ABCG8: variants seen among roughly 807,000 people sequenced by gnomAD.
The protein encoded by ABCG8 is ATP-binding cassette sub-family G member 8.
Under a neutral mutation model 71.3 loss-of-function variants are expected in ABCG8, and 81 were observed. The observed-to-expected ratio is 1.14, with a 90% CI of 0.95 to 1.37. ABCG8 has a LOEUF of 1.37. Ranked by LOEUF, ABCG8 falls within the 40% of genes most tolerant of loss-of-function variation. The pLI is 0.00. For missense variants in ABCG8, 1,119 were observed against 866.2 expected, an observed-to-expected ratio of 1.29 and a Z score of -3.66; for synonymous variants, 451 against 354.7, an observed-to-expected ratio of 1.27 and a Z score of -3.05.
At chr2:43,871,834 C>A in intron 6 of ABCG8, 142 bp from the exon 7 acceptor site, 1 of 1,254,384 alleles carries the variant, frequency 8.0e-7, no homozygotes, top group Non-Finnish European at 1.1e-6. Context: ...CTGCCCCTTG[C>A]TTCATGGCTG....
chr2:43,876,244 C>T (rs1669955019), intron 11 of ABCG8, among the ~76,000 whole-genome samples: 3 of 152,208 alleles, frequency 2.0e-5, no homozygotes, highest in Admixed American at 1.3e-4. Flanking sequence ...TCCCTCGGCC[C>T]CAGTCCATGT....
At chr2:43,871,140 C>T (rs145185864) in intron 6 of ABCG8, among the ~76,000 whole-genome samples, 7,597 of 151,450 alleles carry the variant, frequency 0.05, 112 homozygotes, top group Middle Eastern at 0.097. Context: ...AGAATTCTCA[C>T]CCTCTGGATA....
chr2:43,881,698 ACT>A lies in ABCG8; in HGVS notation c.*3788_*3789del, dbSNP rs781217189. Reference sequence around the variant, plus strand: ...CACTCCAGCCTGGTGACAGAGCGATACTCTGTCTCAAAAAAAAAAAAAAAAAA... The same window carrying A: ...CACTCCAGCCTGGTGACAGAGCGATACTGTCTCAAAAAAAAAAAAAAAAAA... On this transcript the variant is annotated 3_prime_UTR_variant, in exon 13 of 13. Coordinates refer to ENST00000272286, the MANE Select transcript of ABCG8 (RefSeq NM_022437.3). The A allele has an allele frequency of 8.1e-6, 1 of 124,202 alleles. No individual in the cohort carries two copies. Among genetic ancestry groups the A allele is most frequent in the Admixed American group, 9.2e-5 (1 of 10,834 alleles). 7.7% of individuals were successfully genotyped at this position (124,202 alleles called of 1,614,324 possible). A position where few individuals can be genotyped will look rare whatever the true frequency, so the allele number is the denominator to read the frequency against.
At chr2:43,860,987 T>C (rs1572847295) in intron 6 of ABCG8, among the ~76,000 whole-genome samples, 1 of 151,532 alleles carries the variant, frequency 6.6e-6, no homozygotes, top group Middle Eastern at 3.4e-3. Flanking sequence ...GAACTCTCAC[T>C]ATCCGGATAG....
At chr2:43,864,056 C>T (rs1479615739) in intron 6 of ABCG8, among the ~76,000 whole-genome samples, 1 of 151,446 alleles carries the variant, frequency 6.6e-6, no homozygotes, top group Non-Finnish European at 1.5e-5. Flanking sequence ...ATAGAATTCT[C>T]ACTATCTGTC....
chr2:43,866,852 A>G (rs1309702651), intron 6 of ABCG8, among the ~76,000 whole-genome samples: 6 of 151,298 alleles, frequency 4.0e-5, no homozygotes, highest in African/African-American at 1.5e-4. Flanking sequence ...CTGGGTATAT[A>G]CCCAAAGGAC....
Position 43,852,866 on chromosome 2 carries a change from A to G in ABCG8, c.962A>G (p.Tyr321Cys). The part of the protein sequence containing the change: ...CPRYSNPADF[Y>C]VDLTSIDRRS... ...CGCTACAGCAATCCTGCTGACTTCT[A>G]TGGTGAGTCCCCAAGGCCAGCAGCC... The change falls in exon 6 of 13, where the codon TAT becomes TGT. Residue 321 changes from tyrosine to cysteine, a missense_variant and splice_region_variant. Tyr to Cys is a radical substitution (Grantham distance 194, BLOSUM62 -2). Transcript: ENST00000272286. 6.2e-7 allele frequency: 1 copy of G among 1,613,944 alleles called. No individual in the cohort carries two copies. The highest frequency in any genetic ancestry group is 8.5e-7 in the Non-Finnish European group (1 of 1,180,000).
intron 6 of ABCG8, 62 bp from the exon 7 acceptor site, chr2:43,871,914 C>T: frequency 1.2e-6 from 2 of 1,608,594 alleles, no homozygotes; most frequent in Non-Finnish European, 8.5e-7. Flanking sequence ...GCACCAAGCT[C>T]TTCACCTGTG....
intron 6 of ABCG8, among the ~76,000 whole-genome samples, chr2:43,865,733 A>T (rs1465214865): frequency 1.3e-5 from 2 of 152,050 alleles, no homozygotes; most frequent in African/African-American, 2.4e-5. Context: ...GTCTATCTGG[A>T]TAGAATTCTT....
chr2:43,872,061 A>G lies in ABCG8; in HGVS notation c.1050A>G (p.Leu350=). The G allele has an allele frequency of 6.2e-7, 1 of 1,614,122 alleles. No homozygotes were observed. Among genetic ancestry groups the G allele is most frequent in the Non-Finnish European group, 8.5e-7 (1 of 1,180,038 alleles). ...EKAQSLAALF[L]EKVRDLDDFL... The stretch of plus-strand genomic sequence containing the variant: ...CTCAGTCACTCGCAGCCCTGTTTCT[A>G]GAAAAAGTGCGTGACTTAGATGACT... Residue 350 remains leucine (L), a synonymous_variant, in exon 7 of 13, where the codon CTA becomes CTG. Transcript: ENST00000272286.
chr2:43,868,244 T>C (rs1669605210), intron 6 of ABCG8, among the ~76,000 whole-genome samples: 1 of 152,170 alleles, frequency 6.6e-6, no homozygotes, highest in Admixed American at 6.5e-5. Context: ...ACTAGCTATC[T>C]GGATAGAATT....
chr2:43,856,482 CCA>C (rs1669111921), intron 6 of ABCG8, among the ~76,000 whole-genome samples: 1 of 151,978 alleles, frequency 6.6e-6, no homozygotes, highest in Admixed American at 6.6e-5. Context: ...AGAACTCTCA[CCA>C]TGTGTATAAA....
chr2:43,851,895 T>C, intron 4 of ABCG8, 73 bp downstream of exon 4: 1 of 1,528,664 alleles, frequency 6.5e-7, no homozygotes. Flanking sequence ...CCTCCCCTGC[T>C]GCCTTGCCTC....
intron 1 of ABCG8, among the ~76,000 whole-genome samples, chr2:43,841,260 C>G (rs533171306): frequency 7.0e-4 from 107 of 152,284 alleles, no homozygotes; most frequent in African/African-American, 2.4e-3. Flanking sequence ...GCATCTGACT[C>G]AGGAATTTGA....
chr2:43,846,074 G>T, intron 2 of ABCG8, 81 bp from the exon 3 acceptor site: 1 of 1,511,820 alleles, frequency 6.6e-7, no homozygotes. Context: ...GCCACCTGGG[G>T]AACGAAGATG....
chr2:43,872,142 A>C lies in ABCG8; in HGVS notation c.1127+4A>C. ...ACGAGGACACCTGTGTGGAAAGGTA[A>C]GGTGGCAGGCGACTCTGAGAGGAGA... On this transcript the variant is annotated splice_donor_region_variant and intron_variant, in intron 7 of 12. Transcript: ENST00000272286. 1 of 1,614,110 alleles carries C rather than the reference A, an allele frequency of 6.2e-7. No individual in the cohort carries two copies. Among genetic ancestry groups the C allele is most frequent in the South Asian group, 1.1e-5 (1 of 91,080 alleles).
intron 10 of ABCG8, among the ~76,000 whole-genome samples, chr2:43,874,850 C>T (rs1417202715): frequency 6.6e-6 from 1 of 152,158 alleles, no homozygotes; most frequent in Non-Finnish European, 1.5e-5. Flanking sequence ...CAAGGCCACA[C>T]AGCTACTTGA....
At position 43,839,007 on chromosome 2, in the gene ABCG8, C is replaced by G; in HGVS notation, c.-47C>G. ...AGACACTGGCCCTGGCAGGCAGCAG[C>G]TGGGTCTAAGAGAGCTGCAGCCCAG... On this transcript the variant is annotated 5_prime_UTR_variant, in exon 1 of 13. Coordinates refer to ENST00000272286, the MANE Select transcript of ABCG8 (RefSeq NM_022437.3). The G allele has an allele frequency of 2.6e-6, 4 of 1,538,298 alleles. No homozygotes were observed. The highest frequency in any genetic ancestry group is 3.5e-6 in the Non-Finnish European group (4 of 1,136,254).
At chr2:43,854,020 A>G (rs1669015271) in intron 6 of ABCG8, among the ~76,000 whole-genome samples, 1 of 152,202 alleles carries the variant, frequency 6.6e-6, no homozygotes, top group Non-Finnish European at 1.5e-5. Context: ...TCCCCAGAAT[A>G]GGGGCCAAAA....
Sources: gnomAD v4.1 joint callset for allele counts (sites outside exome capture counted in the v4.1 genomes callset) on GRCh38, gnomAD v4.1.1 for gene constraint, MANE v1.5 for transcripts, NCBI Gene and HGNC (gene_info 2026-07-23, HGNC 2026-07-21) for gene names.